Variants in ZDHHC11B observed in about 807,000 individuals in gnomAD.
ZDHHC11B encodes the protein zDHHC palmitoyltransferase 11B (putative).
In ZDHHC11B, 17 loss-of-function variants were observed where a neutral mutation model predicts 42.3. The ratio of observed to expected loss-of-function variants is 0.40; its 90% confidence interval spans 0.27 to 0.60. ZDHHC11B has a LOEUF of 0.60. Ranked by LOEUF, ZDHHC11B falls within the 20% of genes least tolerant of loss-of-function variation. The probability of loss-of-function intolerance (pLI) is 0.41; values close to 1 mark genes in which losing one functional copy is unlikely to be tolerated. For missense variants in ZDHHC11B, 262 were observed against 463.2 expected (o/e 0.57, Z 3.99); for synonymous variants, 123 against 193.5 (o/e 0.64, Z 3.02).
chr5:749,826 G>A (rs1169568217), intron 7 of ZDHHC11B, among the ~76,000 whole-genome samples: 1 of 65,684 alleles, frequency 1.5e-5, no homozygotes, highest in African/African-American at 1.4e-4. Context: ...AAGGTGACTT[G>A]CTACAGGGGG....
chr5:759,713 G>C (rs533690704), intron 4 of ZDHHC11B, among the ~76,000 whole-genome samples: 23 of 151,968 alleles, frequency 1.5e-4, no homozygotes, highest in African/African-American at 5.3e-4. Context: ...TCAAACGTCC[G>C]CCTAACCTGG....
At chr5:783,517 C>T (rs1108701) in intron 1 of ZDHHC11B, among the ~76,000 whole-genome samples, 19,700 of 137,464 alleles carry the variant, frequency 0.14, 205 homozygotes, top group African/African-American at 0.32. Context: ...GGGGCCCAGT[C>T]CTCTATCGGT....
intron 1 of ZDHHC11B, among the ~76,000 whole-genome samples, chr5:777,405 A>G (rs1561205222): frequency 6.6e-6 from 1 of 151,788 alleles, no homozygotes; most frequent in Non-Finnish European, 1.5e-5. Flanking sequence ...TGGCCTCAAG[A>G]GCAAAGCTGC....
At chr5:728,120 A>C (rs1220338897) in intron 12 of ZDHHC11B, among the ~76,000 whole-genome samples, 2 of 151,804 alleles carry the variant, frequency 1.3e-5, no homozygotes, top group Admixed American at 1.3e-4. Context: ...AAGCTAATTC[A>C]TACAAGAGGA....
intron 12 of ZDHHC11B, among the ~76,000 whole-genome samples, chr5:722,528 G>A (rs1226991487): frequency 1.3e-5 from 2 of 151,550 alleles, no homozygotes; most frequent in African/African-American, 2.4e-5. Flanking sequence ...AATTCCAAGT[G>A]TTGGAGAGGA....
intron 4 of ZDHHC11B, among the ~76,000 whole-genome samples, chr5:763,385 A>AAAG (rs200099410): frequency 1.6e-4 from 24 of 149,814 alleles, no homozygotes; most frequent in South Asian, 4.2e-4. Context: ...AAAAAAAAAA[A>AAAG]AAGAAGAAGA....
chr5:777,736 C>T (rs768038075), intron 1 of ZDHHC11B, among the ~76,000 whole-genome samples: 1 of 151,954 alleles, frequency 6.6e-6, no homozygotes, highest in African/African-American at 2.4e-5. Flanking sequence ...TCCAAGCCCC[C>T]ACTCCACTCA....
At chr5:776,263 T>A (rs1332998177) in intron 1 of ZDHHC11B, among the ~76,000 whole-genome samples, 2 of 151,938 alleles carry the variant, frequency 1.3e-5, no homozygotes, top group African/African-American at 4.8e-5. Flanking sequence ...GAGGGCCTGA[T>A]GGACCCTCCA....
intron 12 of ZDHHC11B, among the ~76,000 whole-genome samples, chr5:718,162 T>C (rs1366491535): frequency 6.6e-6 from 1 of 151,498 alleles, no homozygotes; most frequent in Non-Finnish European, 1.5e-5. Flanking sequence ...GACATACAGG[T>C]TGGTGGGGAA....
In ZDHHC11B at chr5:773,118, G is replaced by A. The variant is rs181277591; in HGVS notation, c.-229-4188C>T. The stretch of plus-strand genomic sequence containing the variant: ...ACCCACGTGCTGTTTCCACAATGAC[G>A]GTAATAAGAATACATTTAGTTTTAA... On this transcript the variant is annotated intron_variant, in intron 1 of 13. Coordinates refer to ENST00000508859, the MANE Select transcript of ZDHHC11B (RefSeq NM_001351303.2). 4.1e-4 allele frequency among the ~76,000 whole-genome samples: 63 copies of A among 151,862 alleles called. 1 individual carries two copies. Among genetic ancestry groups the A allele is most frequent in the African/African-American group, 1.4e-3 (59 of 41,374 alleles).
chr5:765,578 G>C (rs1735168743), intron 4 of ZDHHC11B, among the ~76,000 whole-genome samples: 1 of 151,908 alleles, frequency 6.6e-6, no homozygotes, highest in African/African-American at 2.4e-5. Flanking sequence ...AAAGCAGGCT[G>C]CTCAAGCCAG....
At chr5:747,985 T>C (rs114205298) in intron 8 of ZDHHC11B, 56,249 of 347,662 alleles carry the variant, frequency 0.16, 9,173 homozygotes, top group East Asian at 0.31. Flanking sequence ...TAGTGGGTGA[T>C]CTGCCTGTAA....
chr5:760,680 G>A (rs1734488152), intron 4 of ZDHHC11B, among the ~76,000 whole-genome samples: 1 of 151,878 alleles, frequency 6.6e-6, no homozygotes, highest in African/African-American at 2.4e-5. Context: ...GGGCCCTGCG[G>A]TGGAATCGCA....
chr5:778,312 C>A (rs1326133304), intron 1 of ZDHHC11B, among the ~76,000 whole-genome samples: 1 of 151,504 alleles, frequency 6.6e-6, no homozygotes, highest in Non-Finnish European at 1.5e-5. Flanking sequence ...GCTGCAGATG[C>A]GGTGGGACCT....
intron 12 of ZDHHC11B, among the ~76,000 whole-genome samples, chr5:721,299 A>G (rs1399364015): frequency 6.6e-6 from 1 of 151,132 alleles, no homozygotes; most frequent in African/African-American, 2.4e-5. Flanking sequence ...AAAAATATAT[A>G]TGATATACAA....
At chr5:759,675 CCG>C (rs1308870569) in intron 4 of ZDHHC11B, among the ~76,000 whole-genome samples, 2 of 151,984 alleles carry the variant, frequency 1.3e-5, no homozygotes, top group Non-Finnish European at 2.9e-5. Flanking sequence ...ATACACGCGG[CCG>C]CTGGACGGTT....
intron 1 of ZDHHC11B, among the ~76,000 whole-genome samples, chr5:772,945 C>T (rs73730946): frequency 0.031 from 4,619 of 149,390 alleles, 44 homozygotes; most frequent in African/African-American, 0.075. Flanking sequence ...AGTTTTTAAA[C>T]TAAAAATGAC....
At chr5:745,566 C>T (rs1308107327) in intron 8 of ZDHHC11B, among the ~76,000 whole-genome samples, 2 of 149,954 alleles carry the variant, frequency 1.3e-5, no homozygotes, top group African/African-American at 2.5e-5. Context: ...CCTGCCAAGG[C>T]CTCATTGAGC....
intron 11 of ZDHHC11B, chr5:732,316 C>T (rs531156597): frequency 2.6e-5 from 5 of 192,354 alleles, no homozygotes; most frequent in Non-Finnish European, 5.5e-5. Context: ...CAGACCAGGC[C>T]TCATGTGGCT....
Sources: allele counts gnomAD v4.1 joint callset (sites outside exome capture counted in the v4.1 genomes callset), GRCh38; gene constraint gnomAD v4.1.1; transcripts MANE v1.5; gene names NCBI Gene and HGNC (gene_info 2026-07-23, HGNC 2026-07-21).